The following TRIO variants were observed in gnomAD, a reference collection of about 807,000 sequenced individuals.
TRIO encodes triple functional domain protein.
Under a neutral mutation model 351.9 loss-of-function variants are expected in TRIO, and 58 were observed. That is an observed-to-expected ratio of 0.16 (90% CI 0.13 to 0.21). TRIO has a LOEUF of 0.21. Ranked by LOEUF, TRIO falls within the 10% of genes least tolerant of loss-of-function variation. The probability of loss-of-function intolerance (pLI) is 1.00; values close to 1 mark genes in which losing one functional copy is unlikely to be tolerated. For missense variants in TRIO, 3,201 were observed against 4,027.8 expected (o/e 0.79, Z 5.56); for synonymous variants, 1,758 against 1,595.7 (o/e 1.10, Z -2.42).
chr5:14,347,912 G>A (rs1489623654), intron 11 of TRIO, among the ~76,000 whole-genome samples: 1 of 152,226 alleles, frequency 6.6e-6, no homozygotes, highest in East Asian at 1.9e-4. Context: ...TCATTAATCA[G>A]TTTTAATATA....
chr5:14,396,792 T>A (rs1317392799), intron 28 of TRIO, among the ~76,000 whole-genome samples: 2 of 152,138 alleles, frequency 1.3e-5, no homozygotes, highest in African/African-American at 4.8e-5. Flanking sequence ...TTTTGAGGCT[T>A]GATTGTTAAC....
intron 27 of TRIO, among the ~76,000 whole-genome samples, chr5:14,392,667 G>A (rs1007367296): frequency 1.3e-5 from 2 of 152,158 alleles, no homozygotes; most frequent in African/African-American, 4.8e-5. Context: ...CAAAGAGTTG[G>A]AACCAACCCA....
At position 14,368,767 on chromosome 5, in the gene TRIO, C is replaced by T. The variant is rs777678225; in HGVS notation, c.2934C>T (p.Asn978=). The part of the protein sequence containing the change: ...QQKAEAMLQA[N]HYDMDMIRDC... The stretch of plus-strand genomic sequence containing the variant: ...AGGCAGAAGCCATGCTACAGGCCAA[C>T]CACTACGACATGGACATGATCCGGG... The change falls in exon 17 of 57, where the codon AAC becomes AAT. Residue 978 remains asparagine (N), a synonymous_variant. Transcript: ENST00000344204. 4 of 1,614,010 alleles carry T rather than the reference C, an allele frequency of 2.5e-6. No homozygotes were observed. The African/African-American group carries it at 4.0e-5, about 16-fold the overall frequency.
intron 34 of TRIO, among the ~76,000 whole-genome samples, chr5:14,459,941 A>G (rs1336103512): frequency 6.7e-6 from 1 of 150,106 alleles, no homozygotes; most frequent in Non-Finnish European, 1.5e-5. Flanking sequence ...TTGGGGATGC[A>G]GTTTCGCTCT....
chr5:14,376,142 C>T (rs755804032), intron 19 of TRIO, among the ~76,000 whole-genome samples: 1 of 152,152 alleles, frequency 6.6e-6, no homozygotes, highest in Non-Finnish European at 1.5e-5. Flanking sequence ...AAATGCTGCT[C>T]TTCTGTTCTT....
chr5:14,181,107 C>G (rs1453878682), intron 1 of TRIO, among the ~76,000 whole-genome samples: 1 of 146,172 alleles, frequency 6.8e-6, no homozygotes, highest in Non-Finnish European at 1.5e-5. Context: ...TTGTTTCATT[C>G]TTCTATTAGC....
intron 1 of TRIO, among the ~76,000 whole-genome samples, chr5:14,157,509 GTCTCCCTCTCTCTCCCTGTCTCCCTCTC>G (rs1788180001): frequency 4.8e-5 from 5 of 104,730 alleles, no homozygotes; most frequent in African/African-American, 1.8e-4. Context: ...CTCTCTCCCT[GTCTCCCTCTCTCTCCCTGTCTCCCTCTC>G]TCTCCCTGTC....
intron 11 of TRIO, among the ~76,000 whole-genome samples, chr5:14,347,675 C>T (rs1221584756): frequency 6.6e-6 from 1 of 152,232 alleles, no homozygotes; most frequent in Non-Finnish European, 1.5e-5. Flanking sequence ...AAAAGCTTTG[C>T]AAGTGAGACT....
At chr5:14,356,094 T>A (rs886706191) in intron 11 of TRIO, among the ~76,000 whole-genome samples, 4 of 152,246 alleles carry the variant, frequency 2.6e-5, no homozygotes, top group African/African-American at 9.6e-5. Context: ...GGACCCTGGG[T>A]AACAGGATTG....
intron 9 of TRIO, among the ~76,000 whole-genome samples, chr5:14,318,843 ACATCCGTGGACTGATG>A (rs1425460527): frequency 6.6e-6 from 1 of 152,228 alleles, no homozygotes; most frequent in African/African-American, 2.4e-5. Context: ...GCATAATTCC[ACATCCGTGGACTGATG>A]CACTTCCCAA....
chr5:14,475,475 A>G (rs62345057), intron 40 of TRIO, among the ~76,000 whole-genome samples: 3,096 of 152,334 alleles, frequency 0.02, 39 homozygotes, highest in Admixed American at 0.037. Context: ...AGGAGGAACT[A>G]CCGTGTCACG....
intron 1 of TRIO, among the ~76,000 whole-genome samples, chr5:14,198,396 T>A (rs1036286354): frequency 6.6e-6 from 1 of 152,210 alleles, no homozygotes. Context: ...TTGTACTAAG[T>A]ATACAATCAG....
chr5:14,208,706 G>A (rs1049149899), intron 1 of TRIO, among the ~76,000 whole-genome samples: 7 of 152,226 alleles, frequency 4.6e-5, no homozygotes, highest in Admixed American at 4.6e-4. Context: ...GCCAATCACA[G>A]CAGCTGGGCT....
intron 21 of TRIO, 148 bp from the exon 22 acceptor site, chr5:14,387,290 G>A: frequency 1.5e-6 from 1 of 665,890 alleles, no homozygotes; most frequent in Non-Finnish European, 2.5e-6. Context: ...GAGATGGAGT[G>A]GGTGGACCTG....
chr5:14,322,814 T>C (rs905127972), intron 9 of TRIO, among the ~76,000 whole-genome samples: 3 of 152,230 alleles, frequency 2.0e-5, no homozygotes, highest in Non-Finnish European at 2.9e-5. Flanking sequence ...TTAGAATGGC[T>C]ACAGGATTGC....
intron 1 of TRIO, among the ~76,000 whole-genome samples, chr5:14,220,106 G>T (rs1792513059): frequency 1.3e-5 from 2 of 148,270 alleles, no homozygotes; most frequent in Non-Finnish European, 3.0e-5. Context: ...TGTTGAGTAA[G>T]TGTATCCATG....
At chr5:14,267,001 T>C (rs1795719748) in intron 1 of TRIO, among the ~76,000 whole-genome samples, 1 of 152,244 alleles carries the variant, frequency 6.6e-6, no homozygotes, top group South Asian at 2.1e-4. Flanking sequence ...TAATGGTTGC[T>C]GTATTTCAGA....
chr5:14,507,088 G>A lies in TRIO; in HGVS notation c.8613-34G>A, dbSNP rs757695771. 1.7e-5 allele frequency: 26 copies of A among 1,539,762 alleles called. No individual in the cohort carries two copies. The African/African-American group carries it at 2.4e-4, about 14-fold the overall frequency. On this transcript the variant is annotated intron_variant, in intron 55 of 56. Coordinates refer to ENST00000344204, the MANE Select transcript of TRIO (RefSeq NM_007118.4). Reference sequence around the variant, plus strand: ...CCCAAAGAGGTCTTCAAAGCAAATCGCATCATAACAGTCACCCGCTCCTGC... The same window carrying A: ...CCCAAAGAGGTCTTCAAAGCAAATCACATCATAACAGTCACCCGCTCCTGC...
chr5:14,284,049 T>A (rs1736231759), intron 3 of TRIO, among the ~76,000 whole-genome samples: 6 of 152,180 alleles, frequency 3.9e-5, no homozygotes. Flanking sequence ...TCTTACTCCT[T>A]GTTGTCCACT....
Sources: gnomAD v4.1 joint callset for allele counts (sites outside exome capture counted in the v4.1 genomes callset) on GRCh38, gnomAD v4.1.1 for gene constraint, MANE v1.5 for transcripts, NCBI Gene and HGNC (gene_info 2026-07-23, HGNC 2026-07-21) for gene names.